The following CTNNA3 variants were observed in gnomAD, a reference collection of about 807,000 sequenced individuals.
CTNNA3 encodes catenin alpha 3.
CTNNA3 carries 76 observed loss-of-function variants against 95.7 expected under a neutral mutation model. That is an observed-to-expected ratio of 0.79 (90% CI 0.66 to 0.96). The LOEUF is 0.96. Among genes scored for constraint, CTNNA3 ranks in the 40% least tolerant of loss-of-function variants. The pLI is 0.00. For missense variants in CTNNA3, 1,191 were observed against 1,089.8 expected (o/e 1.09, Z -1.31); for synonymous variants, 431 against 374.4 (o/e 1.15, Z -1.74).
intron 1 of CTNNA3, among the ~76,000 whole-genome samples, chr10:67,692,420 CTGT>C: frequency 7.6e-6 from 1 of 132,410 alleles, no homozygotes; most frequent in African/African-American, 2.9e-5. Flanking sequence ...CCTTGGGATC[CTGT>C]TGATCTGTGA....
At chr10:67,058,767 C>T (rs1855587113) in intron 7 of CTNNA3, among the ~76,000 whole-genome samples, 1 of 152,176 alleles carries the variant, frequency 6.6e-6, no homozygotes. Flanking sequence ...CGTGACTAGA[C>T]TTGTAATGTC....
At chr10:66,861,667 G>A (rs972602278) in intron 7 of CTNNA3, among the ~76,000 whole-genome samples, 1 of 152,142 alleles carries the variant, frequency 6.6e-6, no homozygotes, top group Admixed American at 6.6e-5. Context: ...GCACAAAAGT[G>A]CTTACTGAGC....
chr10:66,860,633 T>C (rs1016663066), intron 7 of CTNNA3, among the ~76,000 whole-genome samples: 3 of 152,310 alleles, frequency 2.0e-5, no homozygotes, highest in East Asian at 1.9e-4. Flanking sequence ...CCCTCACCTT[T>C]TTATGAGTAT....
intron 5 of CTNNA3, among the ~76,000 whole-genome samples, chr10:67,360,476 A>G (rs1842959464): frequency 6.6e-6 from 1 of 152,042 alleles, no homozygotes; most frequent in Non-Finnish European, 1.5e-5. Flanking sequence ...CCAATCACAC[A>G]TAACAGCCAT....
intron 11 of CTNNA3, among the ~76,000 whole-genome samples, chr10:66,420,513 T>C: frequency 6.7e-6 from 1 of 150,066 alleles, no homozygotes; most frequent in South Asian, 2.2e-4. Context: ...TTAAAAACAA[T>C]ATGGAGGCCG....
intron 7 of CTNNA3, among the ~76,000 whole-genome samples, chr10:66,940,785 CA>C (rs879777054): frequency 3.0e-4 from 43 of 143,476 alleles, no homozygotes; most frequent in Non-Finnish European, 4.3e-4. Flanking sequence ...CTGGTTTAAA[CA>C]AAAAAAAAAA....
intron 5 of CTNNA3, among the ~76,000 whole-genome samples, chr10:67,480,823 G>A (rs78773763): frequency 1.5e-3 from 226 of 152,140 alleles, no homozygotes; most frequent in African/African-American, 5.2e-3. Flanking sequence ...CTCTAACGCC[G>A]CTGGGTTGGG....
At chr10:66,705,682 C>T (rs534823845) in intron 9 of CTNNA3, among the ~76,000 whole-genome samples, 1 of 151,860 alleles carries the variant, frequency 6.6e-6, no homozygotes, top group Admixed American at 6.6e-5. Flanking sequence ...AGCATAATAT[C>T]CCTTCCTTAA....
At chr10:67,024,433 G>A (rs185317366) in intron 7 of CTNNA3, among the ~76,000 whole-genome samples, 4 of 152,252 alleles carry the variant, frequency 2.6e-5, no homozygotes, top group African/African-American at 7.2e-5. Context: ...TAATTGTTCT[G>A]CAAAATCTCT....
Position 66,821,213 on chromosome 10 carries a change from C to T in CTNNA3, c.1048-45689G>A, listed in dbSNP as rs138517882. ...TTGAAAAAAATTGTAATTAGATATGCTTGACATTTTAAAGCAAAGAAAGAT... is the reference window on the plus strand; with the variant it reads ...TTGAAAAAAATTGTAATTAGATATGTTTGACATTTTAAAGCAAAGAAAGAT... On this transcript the variant is annotated intron_variant, in intron 7 of 17. Transcript: ENST00000433211. 8.5e-5 allele frequency among the ~76,000 whole-genome samples: 13 copies of T among 152,138 alleles called. 1 individual carries two copies. The East Asian group carries it at 2.5e-3, about 29-fold the overall frequency.
intron 5 of CTNNA3, among the ~76,000 whole-genome samples, chr10:67,276,229 G>A (rs1839177993): frequency 6.6e-6 from 1 of 152,070 alleles, no homozygotes; most frequent in Non-Finnish European, 1.5e-5. Flanking sequence ...ACAAATTCCT[G>A]AAACAATGTT....
intron 7 of CTNNA3, among the ~76,000 whole-genome samples, chr10:66,980,760 T>A (rs1325116831): frequency 6.6e-6 from 1 of 152,196 alleles, no homozygotes; most frequent in African/African-American, 2.4e-5. Flanking sequence ...GGGTCCATTG[T>A]CAGAGGACAA....
chr10:67,450,526 A>C (rs1564658409), intron 5 of CTNNA3, among the ~76,000 whole-genome samples: 1 of 152,226 alleles, frequency 6.6e-6, no homozygotes, highest in Non-Finnish European at 1.5e-5. Context: ...AAACTAATGC[A>C]GAAATCGAAA....
chr10:66,059,359 C>T (rs995655840), intron 15 of CTNNA3, among the ~76,000 whole-genome samples: 1 of 152,104 alleles, frequency 6.6e-6, no homozygotes, highest in Non-Finnish European at 1.5e-5. Flanking sequence ...CTTTTATTGT[C>T]TGTTCAACAA....
At chr10:66,829,338 C>T (rs1842628022) in intron 7 of CTNNA3, among the ~76,000 whole-genome samples, 2 of 152,134 alleles carry the variant, frequency 1.3e-5, no homozygotes, top group South Asian at 2.1e-4. Context: ...AGGCTGGGTG[C>T]GGTGGCTCAT....
At chr10:66,673,557 C>T (rs1481429637) in intron 9 of CTNNA3, among the ~76,000 whole-genome samples, 2 of 151,942 alleles carry the variant, frequency 1.3e-5, no homozygotes, top group African/African-American at 2.4e-5. Context: ...ATACAAAACT[C>T]CTAGACACTT....
chr10:67,346,776 G>A, intron 5 of CTNNA3: 1 of 465,038 alleles, frequency 2.2e-6, no homozygotes, highest in Non-Finnish European at 4.3e-6. Context: ...TTTCTGTGAA[G>A]CCTTAAAGAG....
At chr10:66,888,025 C>A (rs952237596) in intron 7 of CTNNA3, among the ~76,000 whole-genome samples, 1 of 152,026 alleles carries the variant, frequency 6.6e-6, no homozygotes, top group Non-Finnish European at 1.5e-5. Context: ...AGAAAATTAC[C>A]CTGGGTTATA....
At chr10:66,830,858 C>T (rs544082526) in intron 7 of CTNNA3, among the ~76,000 whole-genome samples, 94 of 152,182 alleles carry the variant, frequency 6.2e-4, no homozygotes, top group Non-Finnish European at 1.2e-3. Flanking sequence ...ATCCGCCTGC[C>T]TCGGCCTCCC....
Sources: allele counts gnomAD v4.1 joint callset (sites outside exome capture counted in the v4.1 genomes callset), GRCh38; gene constraint gnomAD v4.1.1; transcripts MANE v1.5; gene names NCBI Gene and HGNC (gene_info 2026-07-23, HGNC 2026-07-21).